AP1M1: variants seen among roughly 807,000 people sequenced by gnomAD.
AP1M1 encodes the protein AP-1 complex subunit mu-1.
AP1M1 carries 18 observed loss-of-function variants against 57.1 expected under a neutral mutation model. The ratio of observed to expected loss-of-function variants is 0.32; its 90% CI spans 0.22 to 0.47. The LOEUF is 0.47. Ranked by LOEUF, AP1M1 falls within the 20% of genes least tolerant of loss-of-function variation. The pLI is 1.00. For synonymous variants in AP1M1, 241 were observed against 237.9 expected (o/e 1.01, Z -0.12); for missense variants, 362 against 593.5 (o/e 0.61, Z 4.05).
At position 16,203,845 on chromosome 19, in the gene AP1M1, G is replaced by A. The variant is rs965755604; in HGVS notation, c.199+230G>A. ...GTGACTTGAACCTCTTCAGCCCAGGGGCCCAGGAAGGGAAATGACACCCTG... is the reference window on the plus strand; with the variant it reads ...GTGACTTGAACCTCTTCAGCCCAGGAGCCCAGGAAGGGAAATGACACCCTG... On this transcript the variant is annotated intron_variant, in intron 2 of 11. Transcript: ENST00000291439. The surrounding 1 kb of genome is among the most constrained non-coding windows in gnomAD (Gnocchi z 4.6). 6.6e-6 allele frequency among the ~76,000 whole-genome samples: 1 copy of A among 152,140 alleles called. No homozygotes were observed. Among genetic ancestry groups the A allele is most frequent in the African/African-American group, 2.4e-5 (1 of 41,424 alleles).
In AP1M1 at chr19:16,241,810, CAT is replaced by C. The variant is rs2091646725; in HGVS notation, c.*7376_*7377del. The C allele has an allele frequency of 6.6e-6, 1 of 151,662 alleles. No homozygotes were observed. Among genetic ancestry groups the C allele is most frequent in the South Asian group, 2.1e-4 (1 of 4,806 alleles). 9.4% of individuals were successfully genotyped at this position (151,662 alleles called of 1,614,324 possible). On this transcript the variant is annotated 3_prime_UTR_variant, in exon 12 of 12. Transcript: ENST00000291439. Reference sequence around the variant, plus strand: ...GGGAGTTCGAGATCAGCCTGACTAACATGAGAAACCCCGTCTCTACTAAAAAT... The same window carrying C: ...GGGAGTTCGAGATCAGCCTGACTAACGAGAAACCCCGTCTCTACTAAAAAT...
intron 5 of AP1M1, among the ~76,000 whole-genome samples, chr19:16,220,070 G>GT (rs1283514312): frequency 6.6e-6 from 1 of 152,128 alleles, no homozygotes; most frequent in African/African-American, 2.4e-5. Context: ...TGGAGGAAGT[G>GT]TTTTTTCCTC....
chr19:16,208,276 C>T lies in AP1M1; in HGVS notation c.398+127C>T, dbSNP rs964578809. On this transcript the variant is annotated intron_variant, in intron 4 of 11. Transcript: ENST00000291439. ...TCCCCCACCTGCCTCCCACCTCCAG[C>T]AGTATTCGGGTTTTTACTAAGTTGC... The T allele has an allele frequency of 5.2e-5, 57 of 1,098,802 alleles. No individual in the cohort carries two copies. The Admixed American group carries it at 1.6e-3, about 30-fold the overall frequency. 68.1% of individuals were successfully genotyped at this position (1,098,802 alleles called of 1,614,324 possible).
chr19:16,209,620 A>G (rs1599455488), intron 5 of AP1M1, among the ~76,000 whole-genome samples: 1 of 35,172 alleles, frequency 2.8e-5, no homozygotes, highest in South Asian at 1.1e-3. Context: ...CCATGCACAG[A>G]AAAAAAAAAA....
In AP1M1 at chr19:16,206,063, G is replaced by A. The variant is rs4808033; in HGVS notation, c.200-278G>A. Among the ~76,000 whole-genome samples the A allele has an allele frequency of 0.06, 9,056 of 152,142 alleles. 599 individuals are homozygous for A. The highest frequency in any genetic ancestry group is 0.27 in the East Asian group (1,380 of 5,142). ...GCTCAAGGCAGCCCTTCACCCAGCC[G>A]CCGGGACAGGTGCCCTGTGCCACCT... On this transcript the variant is annotated intron_variant, in intron 2 of 11. Transcript: ENST00000291439. The surrounding 1 kb of genome is among the most constrained non-coding windows in gnomAD (Gnocchi z 4.3).
intron 5 of AP1M1, among the ~76,000 whole-genome samples, chr19:16,215,217 GGGGAGGGGGGAGGGGA>G (rs2091514010): frequency 1.9e-5 from 1 of 53,234 alleles, no homozygotes; most frequent in East Asian, 7.4e-4. Context: ...GGGGGAGAGG[GGGGAGGGGGGAGGGGA>G]GGGGATCACC....
chr19:16,228,063 C>A lies in AP1M1; in HGVS notation c.817-74C>A. ...GGGCAGATGGTCCCTTGCCCTGGGC[C>A]TTGGTTTCCCCTCTGAAATGGGCCT... is the stretch of plus-strand genomic sequence containing the variant. On this transcript the variant is annotated intron_variant, in intron 7 of 11. Coordinates refer to ENST00000291439, the MANE Select transcript of AP1M1 (RefSeq NM_032493.4). The surrounding 1 kb of genome is among the most constrained non-coding windows in gnomAD (Gnocchi z 5.0). 1 of 1,487,602 alleles carries A rather than the reference C, an allele frequency of 6.7e-7. No individual in the cohort carries two copies. Among genetic ancestry groups the A allele is most frequent in the Non-Finnish European group, 9.3e-7 (1 of 1,074,652 alleles). The allele number at this position is 1,487,602 out of a possible 1,614,324, so 92.2% of individuals were successfully genotyped here.
chr19:16,226,531 CT>C lies in AP1M1; in HGVS notation c.660del (p.Phe220LeufsTer17). ...LRLGLNDKVLFDNTGRGKSKS... is the reference protein window; with the variant it reads ...LRLGLNDKVLXDNTGRGKSKS... Reference sequence around the variant, plus strand: ...GCCTGGGCCTCAACGACAAGGTCCTCTTTGACAACACGGGCCGTGAGTACCC... The same window carrying C: ...GCCTGGGCCTCAACGACAAGGTCCTCTTGACAACACGGGCCGTGAGTACCC... On this transcript the variant is annotated frameshift_variant, in exon 6 of 12. Coordinates refer to ENST00000291439, the MANE Select transcript of AP1M1 (RefSeq NM_032493.4). LOFTEE classifies it high-confidence loss of function. 6.3e-7 allele frequency: 1 copy of C among 1,589,392 alleles called. No homozygotes were observed. Among genetic ancestry groups the C allele is most frequent in the Non-Finnish European group, 8.6e-7 (1 of 1,165,778 alleles).
intron 5 of AP1M1, among the ~76,000 whole-genome samples, chr19:16,225,420 G>A (rs1437176098): frequency 1.3e-5 from 2 of 152,146 alleles, no homozygotes; most frequent in Non-Finnish European, 2.9e-5. Flanking sequence ...CAGCCCCAGC[G>A]ATTCTTCTGC....
chr19:16,234,171 G>C, intron 10 of AP1M1, 28 bp from the exon 11 acceptor site: 2 of 1,603,610 alleles, frequency 1.2e-6, no homozygotes, highest in Non-Finnish European at 1.7e-6. Context: ...AGCCTGCGGT[G>C]CTCAGGGCCC....
chr19:16,217,445 A>C (rs1389006632), intron 5 of AP1M1, among the ~76,000 whole-genome samples: 1 of 152,152 alleles, frequency 6.6e-6, no homozygotes, highest in African/African-American at 2.4e-5. Flanking sequence ...TGTGGGCAAG[A>C]ACCTGCAGGC....
Position 16,206,589 on chromosome 19 carries a change from T to G in AP1M1, c.267+181T>G. 1 of 658,460 alleles carries G rather than the reference T, an allele frequency of 1.5e-6. No individual in the cohort carries two copies. The highest frequency in any genetic ancestry group is 2.7e-6 in the Non-Finnish European group (1 of 371,214). 40.8% of individuals were successfully genotyped at this position (658,460 alleles called of 1,614,324 possible). On this transcript the variant is annotated intron_variant, in intron 3 of 11. Transcript: ENST00000291439. The surrounding 1 kb of genome is among the most constrained non-coding windows in gnomAD (Gnocchi z 4.3). ...CCCCACGCCTGTGGAATTCTATAGC[T>G]CACGTTGCTCCCCTACCGTGGGGAA...
chr19:16,230,173 A>G (rs1286391432), intron 9 of AP1M1, among the ~76,000 whole-genome samples: 2 of 152,170 alleles, frequency 1.3e-5, no homozygotes, highest in East Asian at 3.8e-4. Context: ...GCACAGGCAC[A>G]CCTCATTTTA....
intron 9 of AP1M1, among the ~76,000 whole-genome samples, chr19:16,230,464 A>ATCTG (rs2091591259): frequency 6.6e-6 from 1 of 151,196 alleles, no homozygotes; most frequent in Non-Finnish European, 1.5e-5. Context: ...GCAGTGGCAC[A>ATCTG]ATCTCGGCTC....
rs142491895 is a variant in AP1M1, at chr19:16,243,171, G to A, written c.*8736G>A. The A allele has an allele frequency of 4.6e-5, 7 of 152,100 alleles. No homozygotes were observed. Among genetic ancestry groups the A allele is most frequent in the African/African-American group, 1.7e-4 (7 of 41,504 alleles). The allele number at this position is 152,100 out of a possible 1,614,324, so 9.4% of individuals were successfully genotyped here. On this transcript the variant is annotated 3_prime_UTR_variant, in exon 12 of 12. Coordinates refer to ENST00000291439, the MANE Select transcript of AP1M1 (RefSeq NM_032493.4). ...TATTATTAGAGTTCCCACTCTCTGA[G>A]GAATTTTCAAGAGAAATTAGTTAGA...
intron 5 of AP1M1, among the ~76,000 whole-genome samples, chr19:16,224,901 C>T (rs1381660693): frequency 6.6e-6 from 1 of 152,164 alleles, no homozygotes; most frequent in Non-Finnish European, 1.5e-5. Context: ...GCACCTCCTG[C>T]CACACACGCT....
At chr19:16,211,813 T>C (rs2091495440) in intron 5 of AP1M1, among the ~76,000 whole-genome samples, 1 of 151,972 alleles carries the variant, frequency 6.6e-6, no homozygotes, top group African/African-American at 2.4e-5. Context: ...CATGAAGAGA[T>C]GTTGAATTTT....
At position 16,244,881 on chromosome 19, in the gene AP1M1, G is replaced by A. The variant is rs200779070; in HGVS notation, c.*10446G>A. 2.6e-5 allele frequency: 1 copy of A among 38,346 alleles called. No individual in the cohort carries two copies. The highest frequency in any genetic ancestry group is 3.2e-4 in the Admixed American group (1 of 3,128). 2.4% of individuals were successfully genotyped at this position (38,346 alleles called of 1,614,324 possible). A position where few individuals can be genotyped will look rare whatever the true frequency, so the allele number is the denominator to read the frequency against. ...ATAAATAACATGGATAAAATTTGTT[G>A]TTTGTTGTTGTTGTTGTTGTTGTTG... On this transcript the variant is annotated 3_prime_UTR_variant, in exon 12 of 12. Coordinates refer to ENST00000291439, the MANE Select transcript of AP1M1 (RefSeq NM_032493.4).
chr19:16,206,341 T>C lies in AP1M1; in HGVS notation c.200T>C (p.Leu67Pro). ...FMWIKHNNLY[L>P]VATSKKNACV... ...CTCCTTAACTGTGGCCGCCATGCAG[T>C]GGTTGCCACATCCAAGAAGAACGCG... Residue 67 changes from leucine to proline, a missense_variant and splice_region_variant, in exon 3 of 12, where the codon CTG becomes CCG. Around this residue, in one of 2 missense-constraint regions of AP1M1, gnomAD observed 337 missense variants for 511.1 expected, o/e 0.66. Transcript: ENST00000291439. This position sits in a 1 kb window ranked among gnomAD's most constrained non-coding sequence, Gnocchi z 4.3. 1 of 1,614,148 alleles carries C rather than the reference T, an allele frequency of 6.2e-7. No homozygotes were observed. Among genetic ancestry groups the C allele is most frequent in the Non-Finnish European group, 8.5e-7 (1 of 1,180,006 alleles).
Sources: gnomAD v4.1 joint callset for allele counts (sites outside exome capture counted in the v4.1 genomes callset) on GRCh38, gnomAD v4.1.1 for gene constraint, gnomAD v4.1.1 regional missense constraint, Gnocchi (gnomAD v3.1) non-coding constraint, MANE v1.5 for transcripts, NCBI Gene and HGNC (gene_info 2026-07-23, HGNC 2026-07-21) for gene names.